The following ETV5 variants were observed in gnomAD, a reference collection of about 807,000 sequenced individuals.
The protein encoded by ETV5 is ETS variant transcription factor 5.
Under a neutral mutation model 70.0 loss-of-function variants are expected in ETV5, and 10 were observed. That is an observed-to-expected ratio of 0.14 (90% confidence interval 0.09 to 0.24). ETV5 has a LOEUF of 0.24. ETV5 is among the 10% of genes least tolerant of loss of function. The probability of loss-of-function intolerance (pLI) is 1.00; values close to 1 mark genes in which losing one functional copy is unlikely to be tolerated. For synonymous variants in ETV5, 216 were observed against 242.2 expected (o/e 0.89, Z 1.01); for missense variants, 453 against 651.2 (o/e 0.70, Z 3.31).
rs1220634727 is a variant in ETV5 at position 186,074,849 on chromosome 3, ACT to A, written c.650+4966_650+4967del. On this transcript the variant is annotated intron_variant, in intron 7 of 12. Coordinates refer to ENST00000306376, the MANE Select transcript of ETV5 (RefSeq NM_004454.3). Reference sequence around the variant, plus strand: ...GCACTCCAGCCTGGGCGACAGTTAGACTCTGTCTCCAAAAAAAAAAAAAAAAA... The same window carrying A: ...GCACTCCAGCCTGGGCGACAGTTAGACTGTCTCCAAAAAAAAAAAAAAAAA... Among the ~76,000 whole-genome samples the A allele has an allele frequency of 6.4e-3, 855 of 133,628 alleles. 9 individuals are homozygous for A. Among genetic ancestry groups the A allele is most frequent in the African/African-American group, 0.023 (802 of 34,346 alleles). 87.7% of individuals were successfully genotyped at this position (133,628 alleles called of 152,430 possible). A position where few individuals can be genotyped will look rare whatever the true frequency, so the allele number is the denominator to read the frequency against.
chr3:186,105,288 A>G lies in ETV5; in HGVS notation c.232+17T>C. On this transcript the variant is annotated intron_variant, in intron 5 of 12. Coordinates refer to ENST00000306376, the MANE Select transcript of ETV5 (RefSeq NM_004454.3). This position sits in a 1 kb window ranked among gnomAD's most constrained non-coding sequence, Gnocchi z 4.5. ...ACAATTTCAGAACAAATGTGCCATC[A>G]CCAGAAAGGTACTTACGGTTATCAG... is the stretch of plus-strand genomic sequence containing the variant. 1 of 1,604,596 alleles carries G rather than the reference A, an allele frequency of 6.2e-7. No individual in the cohort carries two copies. The highest frequency in any genetic ancestry group is 8.5e-7 in the Non-Finnish European group (1 of 1,176,544).
rs774718093 is a variant in ETV5 at position 186,081,031 on chromosome 3, C to T, written c.362+15G>A. The T allele has an allele frequency of 1.2e-6, 2 of 1,601,858 alleles. No homozygotes were observed. The highest frequency in any genetic ancestry group is 1.1e-5 in the South Asian group (1 of 89,414). ...TTTCTGGGCAGCCTTTCTTCGACTCCTCTTGCCCACTCACCAATAGTTGTA... is the reference window on the plus strand; with the variant it reads ...TTTCTGGGCAGCCTTTCTTCGACTCTTCTTGCCCACTCACCAATAGTTGTA... On this transcript the variant is annotated intron_variant, in intron 6 of 12. Transcript: ENST00000306376.
chr3:186,090,262 A>AT (rs988319542), intron 5 of ETV5, among the ~76,000 whole-genome samples: 1 of 152,196 alleles, frequency 6.6e-6, no homozygotes, highest in Non-Finnish European at 1.5e-5. Flanking sequence ...TTACACAAGG[A>AT]TATATGCTGG....
intron 7 of ETV5, among the ~76,000 whole-genome samples, chr3:186,070,103 C>T (rs1017803104): frequency 2.0e-5 from 3 of 152,312 alleles, no homozygotes; most frequent in East Asian, 1.9e-4. Context: ...TGAGCCACGG[C>T]GCCCGGCCGA....
intron 11 of ETV5, among the ~76,000 whole-genome samples, chr3:186,056,722 A>T (rs1281200645): frequency 6.6e-6 from 1 of 152,266 alleles, no homozygotes; most frequent in African/African-American, 2.4e-5. Context: ...ACTATGGCCC[A>T]CAGGGGCTAA....
At chr3:186,078,954 C>T in intron 7 of ETV5, 1 of 563,966 alleles carries the variant, frequency 1.8e-6, no homozygotes, top group East Asian at 5.6e-5. Context: ...AAGGTATACT[C>T]ATATATTCTT....
chr3:186,078,407 C>A (rs949275569), intron 7 of ETV5, among the ~76,000 whole-genome samples: 1 of 152,120 alleles, frequency 6.6e-6, no homozygotes, highest in African/African-American at 2.4e-5. Context: ...CACCAAAAAA[C>A]CATTGAAATA....
At position 186,048,511 on chromosome 3, in the gene ETV5, G is replaced by C. The variant is rs1560043220; in HGVS notation, c.*128C>G. The C allele has an allele frequency of 2.4e-6, 2 of 816,600 alleles. No individual in the cohort carries two copies. Among genetic ancestry groups the C allele is most frequent in the East Asian group, 2.6e-5 (1 of 38,838 alleles). The allele number at this position is 816,600 out of a possible 1,614,324, so 50.6% of individuals were successfully genotyped here. ...AAGGGTGCCAATCCAGAGACAGCTT[G>C]GGTTCTCCAGATAATACTCAAAGGG... On this transcript the variant is annotated 3_prime_UTR_variant, in exon 13 of 13. Coordinates refer to ENST00000306376, the MANE Select transcript of ETV5 (RefSeq NM_004454.3).
chr3:186,095,409 T>C (rs1714281044), intron 5 of ETV5: 2 of 152,250 alleles, frequency 1.3e-5, no homozygotes, highest in African/African-American at 4.8e-5. Flanking sequence ...ACACTGGCAC[T>C]AAAGTGAAAT....
Position 186,046,420 on chromosome 3 carries a change from C to T in ETV5, c.*2219G>A, listed in dbSNP as rs369220565. 2.2e-5 allele frequency: 5 copies of T among 230,012 alleles called. No individual in the cohort carries two copies. Among genetic ancestry groups the T allele is most frequent in the East Asian group, 6.2e-5 (1 of 16,146 alleles). The allele number at this position is 230,012 out of a possible 1,614,324, so 14.2% of individuals were successfully genotyped here. A position where few individuals can be genotyped will look rare whatever the true frequency, so the allele number is the denominator to read the frequency against. On this transcript the variant is annotated 3_prime_UTR_variant, in exon 13 of 13. Coordinates refer to ENST00000306376, the MANE Select transcript of ETV5 (RefSeq NM_004454.3). The stretch of plus-strand genomic sequence containing the variant: ...CGCAGGGGAAAGTATTTCAAATCAG[C>T]TGGCAGGTTCAAGCCTTTCTGCACT...
chr3:186,059,662 A>T (rs1295025723), intron 9 of ETV5, among the ~76,000 whole-genome samples: 2 of 152,236 alleles, frequency 1.3e-5, no homozygotes, highest in Admixed American at 6.5e-5. Context: ...GTAGTTAAAA[A>T]AATAAACATA....
At chr3:186,068,290 T>C (rs1361159939) in intron 7 of ETV5, among the ~76,000 whole-genome samples, 1 of 152,200 alleles carries the variant, frequency 6.6e-6, no homozygotes, top group Non-Finnish European at 1.5e-5. Context: ...ATTTTTGACA[T>C]ATTAAGGAAG....
intron 7 of ETV5, among the ~76,000 whole-genome samples, chr3:186,067,910 C>T (rs1334356050): frequency 2.0e-5 from 3 of 151,976 alleles, no homozygotes; most frequent in African/African-American, 7.3e-5. Flanking sequence ...GCAAAAAGAG[C>T]TTTTAGAAAT....
intron 1 of ETV5, chr3:186,106,875 A>G (rs1714601499): frequency 2.3e-6 from 2 of 885,794 alleles, no homozygotes; most frequent in South Asian, 5.2e-5. Flanking sequence ...CCATCTTCCT[A>G]AACACTTTTA....
intron 5 of ETV5, among the ~76,000 whole-genome samples, chr3:186,085,976 G>A (rs371966416): frequency 2.0e-5 from 3 of 152,056 alleles, no homozygotes; most frequent in African/African-American, 4.8e-5. Context: ...CCCAGACTCC[G>A]CACTGCAGCC....
Position 186,048,693 on chromosome 3 carries a change from G to A in ETV5, c.1479C>T (p.Leu493=). The A allele has an allele frequency of 6.2e-7, 1 of 1,614,200 alleles. No homozygotes were observed. The highest frequency in any genetic ancestry group is 8.5e-7 in the Non-Finnish European group (1 of 1,180,036). ...LTHFEDSPAY[L]LDMDRCSSLP... ...GGCTGCTGCAGCGGTCCATGTCCAG[G>A]AGGTAAGCGGGGCTGTCTTCAAAGT... Residue 493 remains leucine (L), a synonymous_variant, in exon 13 of 13, where the codon CTC becomes CTT. Transcript: ENST00000306376.
intron 5 of ETV5, among the ~76,000 whole-genome samples, chr3:186,091,386 C>T (rs1714179700): frequency 6.6e-6 from 1 of 152,176 alleles, no homozygotes; most frequent in African/African-American, 2.4e-5. Flanking sequence ...AAAGGACTGA[C>T]TGTCACCTTG....
At chr3:186,079,149 T>C (rs1713869650) in intron 7 of ETV5, 2 of 983,428 alleles carry the variant, frequency 2.0e-6, no homozygotes, top group African/African-American at 1.7e-5. Flanking sequence ...GCCACAAGCA[T>C]CCGAGATTCT....
At chr3:186,106,380 T>A (rs562126018) in intron 1 of ETV5, among the ~76,000 whole-genome samples, 1 of 152,340 alleles carries the variant, frequency 6.6e-6, no homozygotes, top group South Asian at 2.1e-4. Context: ...GTATTCCAAA[T>A]TATTGGCAAT....
Sources: allele counts gnomAD v4.1 joint callset (sites outside exome capture counted in the v4.1 genomes callset), GRCh38; gene constraint gnomAD v4.1.1; non-coding constraint Gnocchi (gnomAD v3.1); transcripts MANE v1.5; gene names NCBI Gene and HGNC (gene_info 2026-07-23, HGNC 2026-07-21).